The following KHDRBS1 variants were observed in gnomAD, a reference collection of about 807,000 sequenced individuals.
KHDRBS1 encodes KH RNA binding domain containing, signal transduction associated 1.
In KHDRBS1, 7 loss-of-function variants were observed where a neutral mutation model predicts 48.4. That is an observed-to-expected ratio of 0.14 (90% CI 0.08 to 0.27). The LOEUF (loss-of-function observed/expected upper bound fraction) is 0.27. Ranked by LOEUF, KHDRBS1 falls within the 10% of genes least tolerant of loss-of-function variation. The pLI is 1.00. For missense variants in KHDRBS1, 458 were observed against 601.2 expected, an observed-to-expected ratio of 0.76 and a Z score of 2.49; for synonymous variants, 241 against 235.8, an observed-to-expected ratio of 1.02 and a Z score of -0.20.
At chr1:32,020,806 G>A (rs909975194) in intron 1 of KHDRBS1, among the ~76,000 whole-genome samples, 10 of 152,056 alleles carry the variant, frequency 6.6e-5, no homozygotes, top group Non-Finnish European at 1.3e-4. Context: ...GAGAGATGAG[G>A]GAAAACGGTG....
intron 4 of KHDRBS1, among the ~76,000 whole-genome samples, chr1:32,034,975 TG>T: frequency 6.7e-6 from 1 of 148,550 alleles, no homozygotes; most frequent in Middle Eastern, 3.4e-3. Context: ...AGTGAGGCTC[TG>T]TCTCAAAAAA....
chr1:32,039,658 A>G, intron 8 of KHDRBS1, 85 bp downstream of exon 8: 1 of 791,866 alleles, frequency 1.3e-6, no homozygotes, highest in East Asian at 2.4e-5. Context: ...AGAGTCAGAC[A>G]AACACACCTA....
Position 32,017,429 on chromosome 1 carries a change from A to G in KHDRBS1, c.382+3052A>G, listed in dbSNP as rs142642417. 5.3e-3 allele frequency among the ~76,000 whole-genome samples: 808 copies of G among 151,956 alleles called. 5 individuals carry two copies. Among genetic ancestry groups the G allele is most frequent in the African/African-American group, 0.019 (771 of 41,420 alleles). On this transcript the variant is annotated intron_variant, in intron 1 of 8. Coordinates refer to ENST00000327300, the MANE Select transcript of KHDRBS1 (RefSeq NM_006559.3). ...AAATAATTTACCTTATTGTGTTAAT[A>G]TATTTATATACTAAGTAAAATGCTG...
chr1:32,058,645 AAG>A (rs1306987067), intron 10 of KHDRBS1, among the ~76,000 whole-genome samples: 4 of 152,166 alleles, frequency 2.6e-5, no homozygotes, highest in Non-Finnish European at 5.9e-5. Flanking sequence ...GGCAAGAAAT[AAG>A]AAAGGTCTAG....
At chr1:32,017,119 G>T (rs1030414653) in intron 1 of KHDRBS1, among the ~76,000 whole-genome samples, 1 of 152,050 alleles carries the variant, frequency 6.6e-6, no homozygotes, top group East Asian at 1.9e-4. Context: ...TTAGCCGGGC[G>T]TGGTGGCACA....
chr1:32,019,084 C>A (rs1384911914), intron 1 of KHDRBS1, among the ~76,000 whole-genome samples: 1 of 151,690 alleles, frequency 6.6e-6, no homozygotes, highest in Non-Finnish European at 1.5e-5. Flanking sequence ...GGCGACAGAG[C>A]GAGACTCTGT....
chr1:32,018,526 C>T lies in KHDRBS1; in HGVS notation c.382+4149C>T, dbSNP rs569736537. ...ATCCCAGCACGTTGGGAGGCCGAGGCGGGTGGATCACGAGGTCAGGAGATC... is the reference window on the plus strand; with the variant it reads ...ATCCCAGCACGTTGGGAGGCCGAGGTGGGTGGATCACGAGGTCAGGAGATC... On this transcript the variant is annotated intron_variant, in intron 1 of 8. Coordinates refer to ENST00000327300, the MANE Select transcript of KHDRBS1 (RefSeq NM_006559.3). Among the ~76,000 whole-genome samples, 12 of 151,410 alleles carry T rather than the reference C, an allele frequency of 7.9e-5. No homozygotes were observed. The East Asian group carries it at 9.7e-4, about 12-fold the overall frequency.
At chr1:32,057,651 T>C (rs1639495104) in intron 10 of KHDRBS1, among the ~76,000 whole-genome samples, 1 of 149,320 alleles carries the variant, frequency 6.7e-6, no homozygotes, top group South Asian at 2.1e-4. Context: ...TACAAAAAAT[T>C]AGCTGGGCAT....
At chr1:32,057,807 AAAAG>A (rs1290950719) in intron 10 of KHDRBS1, among the ~76,000 whole-genome samples, 21 of 147,732 alleles carry the variant, frequency 1.4e-4, no homozygotes, top group African/African-American at 1.8e-4. Context: ...TCAAAAAAAA[AAAAG>A]AGAGAGAGAG....
chr1:32,055,696 T>G (rs889934843), intron 10 of KHDRBS1, among the ~76,000 whole-genome samples: 5 of 151,962 alleles, frequency 3.3e-5, no homozygotes, highest in Non-Finnish European at 7.4e-5. Flanking sequence ...AGAAAATAGG[T>G]CTGGCTCTTC....
chr1:32,027,578 GTTC>G (rs1473793034), intron 1 of KHDRBS1, among the ~76,000 whole-genome samples: 1 of 152,180 alleles, frequency 6.6e-6, no homozygotes, highest in South Asian at 2.1e-4. Flanking sequence ...GTCATTTACA[GTTC>G]TTCTCATAGG....
intron 2 of KHDRBS1, 96 bp from the exon 3 acceptor site, chr1:32,031,428 C>T: frequency 1.4e-6 from 1 of 726,642 alleles, no homozygotes; most frequent in East Asian, 2.7e-5. Flanking sequence ...TAATACTCTA[C>T]CTTTGCAGGG....
intron 10 of KHDRBS1, among the ~76,000 whole-genome samples, chr1:32,050,084 CT>C (rs1303856300): frequency 6.6e-6 from 1 of 152,162 alleles, no homozygotes; most frequent in African/African-American, 2.4e-5. Context: ...TTATAGCTAT[CT>C]TTAGTGGGTG....
intron 10 of KHDRBS1, among the ~76,000 whole-genome samples, chr1:32,057,503 T>A (rs75398816): frequency 1.9e-4 from 28 of 150,274 alleles, no homozygotes; most frequent in East Asian, 5.8e-4. Context: ...TTTTTTTTTT[T>A]AAAGAGATGA....
At chr1:32,060,752 G>A (rs1639534757) in exon 11 of KHDRBS1, 1 of 152,166 alleles carries the variant, frequency 6.6e-6, no homozygotes, top group African/African-American at 2.4e-5. Context: ...GTCCAAAAAG[G>A]TCATAAAGGG....
Position 32,033,438 on chromosome 1 carries a change from G to A in KHDRBS1, c.771+104G>A, listed in dbSNP as rs907219516. On this transcript the variant is annotated intron_variant, in intron 4 of 8. Transcript: ENST00000327300. ...ACTAAGGTCTCTGCATAACCTGTAT[G>A]TATACCAAATTCTGCACTTATGTTC... 15 of 1,445,220 alleles carry A rather than the reference G, an allele frequency of 1.0e-5. No individual in the cohort carries two copies. The Admixed American group carries it at 2.1e-4, about 21-fold the overall frequency. 89.5% of individuals were successfully genotyped at this position (1,445,220 alleles called of 1,614,324 possible). A position where few individuals can be genotyped will look rare whatever the true frequency, so the allele number is the denominator to read the frequency against.
At chr1:32,018,564 G>C (rs1638790051) in intron 1 of KHDRBS1, among the ~76,000 whole-genome samples, 1 of 150,110 alleles carries the variant, frequency 6.7e-6, no homozygotes, top group Non-Finnish European at 1.5e-5. Flanking sequence ...GACCATCCTG[G>C]CTAACACAGT....
intron 10 of KHDRBS1, among the ~76,000 whole-genome samples, chr1:32,051,200 A>G (rs1223042762): frequency 6.6e-6 from 1 of 152,168 alleles, no homozygotes; most frequent in Non-Finnish European, 1.5e-5. Context: ...GCTCGGCCCA[A>G]ATTCATTCTT....
At chr1:32,016,295 G>C (rs1402177547) in intron 1 of KHDRBS1, among the ~76,000 whole-genome samples, 2 of 151,736 alleles carry the variant, frequency 1.3e-5, no homozygotes, top group Non-Finnish European at 2.9e-5. Flanking sequence ...AATGAAATGA[G>C]AACTTACTTT....
Sources: allele counts gnomAD v4.1 joint callset (sites outside exome capture counted in the v4.1 genomes callset), GRCh38; gene constraint gnomAD v4.1.1; transcripts MANE v1.5; gene names NCBI Gene and HGNC (gene_info 2026-07-23, HGNC 2026-07-21).